Variants in UNC80 observed in about 807,000 individuals in gnomAD.
UNC80 encodes the protein protein unc-80 homolog.
Under a neutral mutation model 384.6 loss-of-function variants are expected in UNC80, and 164 were observed. That is an observed-to-expected ratio of 0.43 (90% CI 0.38 to 0.49). The LOEUF (loss-of-function observed/expected upper bound fraction) is 0.49. Among genes scored for constraint, UNC80 ranks in the 20% least tolerant of loss-of-function variants. The pLI, the probability that UNC80 is intolerant of heterozygous loss-of-function variation, is 0.00. For synonymous variants in UNC80, 1,486 were observed against 1,527.8 expected (o/e 0.97, Z 0.64); for missense variants, 3,330 against 4,143.0 (o/e 0.80, Z 5.39).
At position 209,976,849 on chromosome 2, in the gene UNC80, C is replaced by G; in HGVS notation, c.8773-64C>G. ...ATTCCTCACAACAATGAAATAGGTACAGCAATTAGCCCATTTTATGGATGG... is the reference window on the plus strand; with the variant it reads ...ATTCCTCACAACAATGAAATAGGTAGAGCAATTAGCCCATTTTATGGATGG... On this transcript the variant is annotated intron_variant, in intron 57 of 64. Coordinates refer to ENST00000673920, the MANE Select transcript of UNC80 (RefSeq NM_001371986.1). This position sits in a 1 kb window ranked among gnomAD's most constrained non-coding sequence, Gnocchi z 4.3. 1.4e-6 allele frequency: 2 copies of G among 1,440,414 alleles called. No individual in the cohort carries two copies. The highest frequency in any genetic ancestry group is 1.9e-6 in the Non-Finnish European group (2 of 1,073,412). 89.2% of individuals were successfully genotyped at this position (1,440,414 alleles called of 1,614,324 possible).
At chr2:209,961,721 G>A (rs2092597180) in intron 51 of UNC80, among the ~76,000 whole-genome samples, 1 of 152,158 alleles carries the variant, frequency 6.6e-6, no homozygotes, top group Non-Finnish European at 1.5e-5. Context: ...GTTGCTCGGT[G>A]AAACAATACT....
rs73984317 is a variant in UNC80 at position 209,996,753 on chromosome 2, T to A, written c.*1158T>A. The A allele has an allele frequency of 7.2e-4, 109 of 152,350 alleles. No individual in the cohort carries two copies. The highest frequency in any genetic ancestry group is 2.5e-3 in the African/African-American group (105 of 41,594). 9.4% of individuals were successfully genotyped at this position (152,350 alleles called of 1,614,324 possible). On this transcript the variant is annotated 3_prime_UTR_variant, in exon 65 of 65. Coordinates refer to ENST00000673920, the MANE Select transcript of UNC80 (RefSeq NM_001371986.1). The stretch of plus-strand genomic sequence containing the variant: ...AGGCCAACACCTAGTGTGTTACTGA[T>A]CCTATGGTAGGGCTGTGCATCACGT...
intron 22 of UNC80, chr2:209,869,000 T>C (rs2084071088): frequency 6.6e-6 from 1 of 152,154 alleles, no homozygotes; most frequent in Non-Finnish European, 1.5e-5. Flanking sequence ...TGCCTACTTT[T>C]CTTTTAGGAC....
chr2:209,943,366 G>A lies in UNC80; in HGVS notation c.6916-14G>A, dbSNP rs2091745729. The A allele has an allele frequency of 2.6e-6, 4 of 1,549,590 alleles. No individual in the cohort carries two copies. Among genetic ancestry groups the A allele is most frequent in the African/African-American group, 1.4e-5 (1 of 72,846 alleles). ...CATTAAGGCATTTTTTGAATATCTG[G>A]CATTTTTCCATAGGTGTACTCCGAC... On this transcript the variant is annotated splice_polypyrimidine_tract_variant and intron_variant, in intron 44 of 64. Transcript: ENST00000673920.
intron 15 of UNC80, 90 bp from the exon 16 acceptor site, chr2:209,831,353 C>G: frequency 7.4e-7 from 1 of 1,353,526 alleles, no homozygotes; most frequent in Non-Finnish European, 9.8e-7. Context: ...TAGCACTTCA[C>G]TAATTCCTGG....
intron 31 of UNC80, among the ~76,000 whole-genome samples, chr2:209,917,571 A>C (rs1192536276): frequency 1.3e-5 from 2 of 152,112 alleles, no homozygotes; most frequent in Admixed American, 1.3e-4. Flanking sequence ...ATTCTACTGA[A>C]ATGTCATGTT....
chr2:209,951,098 A>G (rs954218117), intron 47 of UNC80, among the ~76,000 whole-genome samples: 8 of 151,976 alleles, frequency 5.3e-5, no homozygotes, highest in African/African-American at 1.9e-4. Flanking sequence ...GCTTGAGCCC[A>G]AGTTGAGGCT....
rs2079648483 is a variant in UNC80 at position 209,815,256 on chromosome 2, G to A, written c.1201-1G>A. The A allele has an allele frequency of 6.4e-7, 1 of 1,551,216 alleles. No individual in the cohort carries two copies. Among genetic ancestry groups the A allele is most frequent in the Non-Finnish European group, 8.7e-7 (1 of 1,146,880 alleles). On this transcript the variant is annotated splice_acceptor_variant, in intron 8 of 64. Transcript: ENST00000673920. LOFTEE classifies it high-confidence loss of function. ...CTTGATCACTGTCTACCTTTATTAA[G>A]GATCTCACCATGAAGTGTAACGAGG... is the stretch of plus-strand genomic sequence containing the variant.
rs1259739757 is a variant in UNC80 at position 209,939,735 on chromosome 2, C to CTT, written c.6646+85_6646+86dup. 3.1e-6 allele frequency: 4 copies of CTT among 1,292,354 alleles called. No individual in the cohort carries two copies. The African/African-American group carries it at 6.0e-5, about 19-fold the overall frequency. The allele number at this position is 1,292,354 out of a possible 1,614,324, so 80.1% of individuals were successfully genotyped here. On this transcript the variant is annotated intron_variant, in intron 43 of 64. Coordinates refer to ENST00000673920, the MANE Select transcript of UNC80 (RefSeq NM_001371986.1). ...TTTTTAAAATTTTATTATTATTATA[C>CTT]TTTAAGTTTTAGGGTACATGTGCTC...
At chr2:209,988,026 C>T (rs1425173822) in intron 61 of UNC80, among the ~76,000 whole-genome samples, 1 of 152,078 alleles carries the variant, frequency 6.6e-6, no homozygotes, top group African/African-American at 2.4e-5. Context: ...TGATTTTTAG[C>T]CTGTAATCTC....
Position 209,872,726 on chromosome 2 carries a change from C to T in UNC80, c.3628-32C>T. ...ATTTAAAGTTATTGTTCATTAATCCCACATTATTCTTTCCTAAACAACCCT... is the reference window on the plus strand; with the variant it reads ...ATTTAAAGTTATTGTTCATTAATCCTACATTATTCTTTCCTAAACAACCCT... On this transcript the variant is annotated intron_variant, in intron 22 of 64. Coordinates refer to ENST00000673920, the MANE Select transcript of UNC80 (RefSeq NM_001371986.1). The surrounding 1 kb of genome is among the most constrained non-coding windows in gnomAD (Gnocchi z 4.1). The T allele has an allele frequency of 6.6e-7, 1 of 1,519,404 alleles. No homozygotes were observed. 94.1% of individuals were successfully genotyped at this position (1,519,404 alleles called of 1,614,324 possible). A position where few individuals can be genotyped will look rare whatever the true frequency, so the allele number is the denominator to read the frequency against.
chr2:209,980,800 T>G (rs2093138669), intron 59 of UNC80, among the ~76,000 whole-genome samples: 3 of 152,172 alleles, frequency 2.0e-5, no homozygotes, highest in Admixed American at 1.3e-4. Context: ...AGCACATGAT[T>G]CATCACCAAA....
chr2:209,837,773 CTTT>C (rs747171151), intron 18 of UNC80, among the ~76,000 whole-genome samples: 5 of 141,430 alleles, frequency 3.5e-5, no homozygotes, highest in Non-Finnish European at 3.1e-5. Context: ...GTACCTACAT[CTTT>C]TTTTTTTTTT....
At position 209,839,294 on chromosome 2, in the gene UNC80, A is replaced by T. The variant is rs2081569783; in HGVS notation, c.3114A>T (p.Ala1038=). Residue 1038 remains alanine, a synonymous_variant, in exon 19 of 65, where the codon GCA becomes GCT. Transcript: ENST00000673920. The surrounding 1 kb of genome is among the most constrained non-coding windows in gnomAD (Gnocchi z 4.1). ...FWRKMFKSQS[A]ASDTSSQSEQ... ...GTAAGATGTTCAAGTCCCAGAGTGC[A>T]GCAAGTGACACCAGCAGCCAGTCTG... The T allele has an allele frequency of 1.3e-6, 2 of 1,551,688 alleles. No individual in the cohort carries two copies. Among genetic ancestry groups the T allele is most frequent in the East Asian group, 2.4e-5 (1 of 40,900 alleles).
chr2:209,772,044 C>G lies in UNC80; in HGVS notation c.-29C>G. ...GCTAGCGAGGAGACAGAGCTGGGTC[C>G]TGCAGTAGGACTCCCGGGAGCCACC... On this transcript the variant is annotated 5_prime_UTR_variant, in exon 1 of 65. Coordinates refer to ENST00000673920, the MANE Select transcript of UNC80 (RefSeq NM_001371986.1). 1 of 1,515,854 alleles carries G rather than the reference C, an allele frequency of 6.6e-7. No homozygotes were observed. Among genetic ancestry groups the G allele is most frequent in the East Asian group, 2.5e-5 (1 of 40,582 alleles). 93.9% of individuals were successfully genotyped at this position (1,515,854 alleles called of 1,614,324 possible).
At chr2:209,943,994 T>C (rs1423102026) in intron 45 of UNC80, among the ~76,000 whole-genome samples, 1 of 152,180 alleles carries the variant, frequency 6.6e-6, no homozygotes, top group Non-Finnish European at 1.5e-5. Context: ...CCTGAGCAGG[T>C]TGTTGCAGGT....
At chr2:209,915,566 G>A (rs191873869) in intron 31 of UNC80, among the ~76,000 whole-genome samples, 25 of 152,204 alleles carry the variant, frequency 1.6e-4, no homozygotes, top group Admixed American at 1.3e-3. Flanking sequence ...GCTTGTAACC[G>A]ACTTTGAATG....
rs750442854 is a variant in UNC80, at chr2:209,896,376, C to T, written c.4544C>T (p.Ala1515Val). The T allele has an allele frequency of 3.5e-5, 54 of 1,551,424 alleles. 2 individuals are homozygous for T. Among genetic ancestry groups the T allele is most frequent in the South Asian group, 2.4e-4 (20 of 84,054 alleles). The change falls in exon 28 of 65, where the codon GCG becomes GTG. Residue 1515 changes from alanine to valine, a missense_variant. By Grantham distance (64) the Ala-to-Val change is moderately conservative. Coordinates refer to ENST00000673920, the MANE Select transcript of UNC80 (RefSeq NM_001371986.1). ...CCAGAGGGAATGAGTAATGCCGGCG[C>T]GGAGGAGAATTACCACAGAAACATG... ...IEPEGMSNAG[A>V]EENYHRNMSW...
chr2:209,814,262 G>A (rs562040023), intron 8 of UNC80, among the ~76,000 whole-genome samples: 15 of 149,858 alleles, frequency 1.0e-4, no homozygotes, highest in Non-Finnish European at 2.1e-4. Flanking sequence ...TTGAGATGAA[G>A]TCTCGCTCTG....
Sources: allele counts gnomAD v4.1 joint callset (sites outside exome capture counted in the v4.1 genomes callset), GRCh38; gene constraint gnomAD v4.1.1; non-coding constraint Gnocchi (gnomAD v3.1); transcripts MANE v1.5; gene names NCBI Gene and HGNC (gene_info 2026-07-23, HGNC 2026-07-21).